ST18: variants seen among roughly 807,000 people sequenced by gnomAD.
ST18 encodes suppression of tumorigenicity 18 protein.
ST18 carries 50 observed loss-of-function variants against 110.0 expected under a neutral mutation model. The observed-to-expected ratio is 0.45, with a 90% CI of 0.36 to 0.58. The LOEUF is 0.58. Ranked by LOEUF, ST18 falls within the 20% of genes least tolerant of loss-of-function variation. The pLI is 0.00. For missense variants in ST18, 1,306 were observed against 1,280.1 expected (o/e 1.02, Z -0.31); for synonymous variants, 461 against 452.4 (o/e 1.02, Z -0.24).
chr8:52,361,222 G>T (rs1825605577), intron 2 of ST18, among the ~76,000 whole-genome samples: 1 of 152,162 alleles, frequency 6.6e-6, no homozygotes, highest in Non-Finnish European at 1.5e-5. Flanking sequence ...TAATGTTCTT[G>T]AAATTTATCT....
intron 11 of ST18, among the ~76,000 whole-genome samples, chr8:52,165,527 A>AT (rs2062695130): frequency 1.3e-5 from 2 of 152,162 alleles, no homozygotes; most frequent in Non-Finnish European, 2.9e-5. Flanking sequence ...CCTGAATGTG[A>AT]TTTTCCCTGG....
chr8:52,147,405 T>C (rs753929997), intron 16 of ST18, among the ~76,000 whole-genome samples: 5 of 152,106 alleles, frequency 3.3e-5, no homozygotes, highest in African/African-American at 4.8e-5. Context: ...TTTCTGAGAA[T>C]CTGAAGAGTG....
rs2041066155 is a variant in ST18 at position 52,113,250 on chromosome 8, CA to C, written c.3091del (p.Cys1031AlafsTer12). 3 of 1,614,028 alleles carry C rather than the reference CA, an allele frequency of 1.9e-6. No homozygotes were observed. The Admixed American group carries it at 5.0e-5, about 27-fold the overall frequency. On this transcript the variant is annotated frameshift_variant, in exon 26 of 26. Coordinates refer to ENST00000689386, the MANE Select transcript of ST18 (RefSeq NM_001352837.2). LOFTEE classifies it high-confidence loss of function. ...SNLERDYSPE[C>X]KALLESIKQA... ...TTTGATACTTTCCAGTAGAGCTTTG[CA>C]TTCCGGGGAATAGTCCCGTTCCAGA...
rs1587533530 is a variant in ST18, at chr8:52,166,800, T to A, written c.1204+52A>T. ...ATTGGGAGACAAAGAGGATAACATC[T>A]TGATGATCTGGCGTGCATAAGCAGA... On this transcript the variant is annotated intron_variant, in intron 11 of 25. Transcript: ENST00000689386. 4.8e-6 allele frequency: 7 copies of A among 1,450,402 alleles called. No individual in the cohort carries two copies. The East Asian group carries it at 1.7e-4, about 36-fold the overall frequency. 89.8% of individuals were successfully genotyped at this position (1,450,402 alleles called of 1,614,324 possible).
chr8:52,123,071 G>T lies in ST18; in HGVS notation c.2755+2981C>A, dbSNP rs1235364557. Among the ~76,000 whole-genome samples, 10 of 151,954 alleles carry T rather than the reference G, an allele frequency of 6.6e-5. No individual in the cohort carries two copies. The East Asian group carries it at 1.9e-3, about 29-fold the overall frequency. On this transcript the variant is annotated intron_variant, in intron 23 of 25. Transcript: ENST00000689386. The stretch of plus-strand genomic sequence containing the variant: ...GACTGGCATTCTTTCTTATACAGAT[G>T]GCCTAATTTTATTATCAAGGACTAG...
rs116548084 is a variant in ST18, at chr8:52,189,164, A to G, written c.87-8852T>C. Among the ~76,000 whole-genome samples the G allele has an allele frequency of 3.1e-3, 474 of 152,254 alleles. 3 individuals are homozygous for G. The highest frequency in any genetic ancestry group is 0.011 in the African/African-American group (454 of 41,568). ...ACAATAACCAACATCATCACACCAC[A>G]GCATCTGGCTTTCTAAGAGTAGAAA... On this transcript the variant is annotated intron_variant, in intron 8 of 25. Coordinates refer to ENST00000689386, the MANE Select transcript of ST18 (RefSeq NM_001352837.2).
rs2042548778 is a variant in ST18, at chr8:52,116,385, C to T, written c.2893G>A (p.Glu965Lys). The T allele has an allele frequency of 6.2e-7, 1 of 1,613,822 alleles. No homozygotes were observed. The highest frequency in any genetic ancestry group is 1.3e-5 in the African/African-American group (1 of 74,900). The change falls in exon 25 of 26, where the codon GAG becomes AAG. Residue 965 changes from glutamate to lysine, a missense_variant. Coordinates refer to ENST00000689386, the MANE Select transcript of ST18 (RefSeq NM_001352837.2). ...TSMESNLKTI[E>K]EENKLIEQNN... is the part of the protein sequence containing the mutation. Reference sequence around the variant, plus strand: ...TGTTCTATGAGTTTGTTCTCCTCCTCTATCGTCTTTAAGTTGCTCTCCATA... The same window carrying T: ...TGTTCTATGAGTTTGTTCTCCTCCTTTATCGTCTTTAAGTTGCTCTCCATA...
intron 8 of ST18, 57 bp from the exon 9 acceptor site, chr8:52,180,369 C>T: frequency 6.3e-7 from 1 of 1,585,696 alleles, no homozygotes; most frequent in Non-Finnish European, 8.6e-7. Context: ...TGCTGTTTGG[C>T]ATTTAACTTT....
chr8:52,137,490 C>A lies in ST18; in HGVS notation c.2169-7G>T. 5 of 1,613,940 alleles carry A rather than the reference C, an allele frequency of 3.1e-6. No individual in the cohort carries two copies. Among genetic ancestry groups the A allele is most frequent in the Non-Finnish European group, 3.4e-6 (4 of 1,179,948 alleles). ...ACATCCTGGTGTTGGACAGCTGAGT[C>A]AATAGAAAATACATCATTAGAGTCA... On this transcript the variant is annotated splice_region_variant and splice_polypyrimidine_tract_variant and intron_variant, in intron 17 of 25. Coordinates refer to ENST00000689386, the MANE Select transcript of ST18 (RefSeq NM_001352837.2).
Position 52,166,900 on chromosome 8 carries a change from G to A in ST18, c.1156C>T (p.His386Tyr). The change falls in exon 11 of 26, where the codon CAC (histidine) becomes TAC (tyrosine). Residue 386 changes from histidine to tyrosine, a missense_variant. Coordinates refer to ENST00000689386, the MANE Select transcript of ST18 (RefSeq NM_001352837.2). Reference protein sequence around the residue: ...TGHVTGLYPHHRSLSGCPHKV... With the variant: ...TGHVTGLYPHYRSLSGCPHKV... ...TGGGGGCACCCCGAAAGGCTGCGGT[G>A]GTGCGGGTAGAGCCCTGTCACGTGT... is the stretch of plus-strand genomic sequence containing the variant. 1 of 1,609,366 alleles carries A rather than the reference G, an allele frequency of 6.2e-7. No individual in the cohort carries two copies. The highest frequency in any genetic ancestry group is 2.2e-5 in the East Asian group (1 of 44,700).
At chr8:52,332,427 C>G (rs7014006) in intron 2 of ST18, among the ~76,000 whole-genome samples, 1 of 149,322 alleles carries the variant, frequency 6.7e-6, no homozygotes, top group Non-Finnish European at 1.5e-5. Flanking sequence ...AATTCTCTTA[C>G]GATGGAAGCA....
At chr8:52,243,229 T>C (rs2093583388) in intron 2 of ST18, among the ~76,000 whole-genome samples, 1 of 152,214 alleles carries the variant, frequency 6.6e-6, no homozygotes, top group Admixed American at 6.5e-5. Flanking sequence ...TAGGATGTTT[T>C]AATTTTAAAA....
intron 2 of ST18, among the ~76,000 whole-genome samples, chr8:52,379,390 G>A (rs918062189): frequency 2.6e-5 from 4 of 151,856 alleles, no homozygotes; most frequent in East Asian, 1.9e-4. Context: ...GAGACACCAC[G>A]CCCAGCCAAT....
intron 16 of ST18, among the ~76,000 whole-genome samples, chr8:52,145,849 C>T (rs1252172550): frequency 2.0e-5 from 3 of 152,280 alleles, no homozygotes; most frequent in African/African-American, 7.2e-5. Context: ...GGAGAACTGA[C>T]AGTTGAATGA....
intron 9 of ST18, 136 bp from the exon 10 acceptor site, chr8:52,172,719 A>G: frequency 5.2e-6 from 3 of 577,540 alleles, no homozygotes; most frequent in East Asian, 3.0e-5. Context: ...ACACATATAC[A>G]TACATAATAT....
chr8:52,130,667 C>G (rs890552203), intron 22 of ST18, among the ~76,000 whole-genome samples: 11 of 152,240 alleles, frequency 7.2e-5, no homozygotes, highest in African/African-American at 9.6e-5. Context: ...TAAAGTGGCA[C>G]TATCAGTTGC....
intron 2 of ST18, chr8:52,407,109 G>C (rs1177748687): frequency 6.6e-6 from 1 of 152,212 alleles, no homozygotes; most frequent in African/African-American, 2.4e-5. Flanking sequence ...CATAGACGAT[G>C]AAACTAGAGT....
intron 2 of ST18, chr8:52,254,371 G>C (rs910985213): frequency 6.6e-6 from 1 of 152,172 alleles, no homozygotes; most frequent in African/African-American, 2.4e-5. Flanking sequence ...TGACTGCTTA[G>C]AGATAAGCAC....
At chr8:52,121,907 G>T (rs1335649512) in intron 23 of ST18, among the ~76,000 whole-genome samples, 1 of 152,140 alleles carries the variant, frequency 6.6e-6, no homozygotes, top group Non-Finnish European at 1.5e-5. Flanking sequence ...GTACAGGAGT[G>T]CAATCTCTGC....
Sources: gnomAD v4.1 joint callset for allele counts (sites outside exome capture counted in the v4.1 genomes callset) on GRCh38, gnomAD v4.1.1 for gene constraint, MANE v1.5 for transcripts, NCBI Gene and HGNC (gene_info 2026-07-23, HGNC 2026-07-21) for gene names.